LIPI: variants seen among roughly 807,000 people sequenced by gnomAD.
LIPI encodes lipase I, also known as lipase member I.
In LIPI, 59 loss-of-function variants were observed where a neutral mutation model predicts 50.6. That is an observed-to-expected ratio of 1.16 (90% confidence interval 0.94 to 1.45). The LOEUF is 1.45. Ranked by LOEUF, LIPI falls within the 40% of genes most tolerant of loss-of-function variation. The probability of loss-of-function intolerance (pLI) is 0.00; values close to 1 mark genes in which losing one functional copy is unlikely to be tolerated. For synonymous variants in LIPI, 203 were observed against 178.2 expected (o/e 1.14, Z -1.11); for missense variants, 586 against 536.3 (o/e 1.09, Z -0.92).
chr21:14,167,191 G>A (rs148172494), intron 4 of LIPI, among the ~76,000 whole-genome samples: 4 of 152,192 alleles, frequency 2.6e-5, no homozygotes, highest in Admixed American at 2.6e-4. Flanking sequence ...GGCTTGCTTA[G>A]GTAAACAAAG....
At chr21:14,178,097 A>G (rs997041220) in intron 4 of LIPI, among the ~76,000 whole-genome samples, 4 of 152,062 alleles carry the variant, frequency 2.6e-5, no homozygotes, top group Non-Finnish European at 5.9e-5. Flanking sequence ...TATTCACCTT[A>G]TTTAAATAAA....
intron 1 of LIPI, among the ~76,000 whole-genome samples, chr21:14,197,559 G>C (rs1018732999): frequency 1.3e-5 from 2 of 151,996 alleles, no homozygotes; most frequent in Non-Finnish European, 2.9e-5. Context: ...AGGCAGACAA[G>C]AGTAGAGAGA....
At position 14,161,802 on chromosome 21, in the gene LIPI, T is replaced by A. The variant is rs1460703919; in HGVS notation, c.1006+1617A>T. Among the ~76,000 whole-genome samples the A allele has an allele frequency of 5.8e-5, 2 of 34,596 alleles. 1 individual carries two copies. Among genetic ancestry groups the A allele is most frequent in the African/African-American group, 3.5e-4 (2 of 5,796 alleles). The allele number at this position is 34,596 out of a possible 152,430, so 22.7% of individuals were successfully genotyped here. A position where few individuals can be genotyped will look rare whatever the true frequency, so the allele number is the denominator to read the frequency against. On this transcript the variant is annotated intron_variant, in intron 7 of 9. Transcript: ENST00000681601. ...TATATAATATATACATTATTATATA[T>A]TAATGTATAATATATACAAATATAT...
intron 8 of LIPI, among the ~76,000 whole-genome samples, chr21:14,150,309 A>G (rs936063589): frequency 6.6e-6 from 1 of 152,104 alleles, no homozygotes; most frequent in Non-Finnish European, 1.5e-5. Context: ...CAGCCAAACT[A>G]TATCAGGTAC....
intron 9 of LIPI, among the ~76,000 whole-genome samples, chr21:14,141,870 G>A (rs1568846045): frequency 6.6e-6 from 1 of 152,140 alleles, no homozygotes; most frequent in Non-Finnish European, 1.5e-5. Context: ...TCTCGACTGA[G>A]GAGGAAATTC....
intron 6 of LIPI, among the ~76,000 whole-genome samples, chr21:14,164,266 G>A (rs2018595882): frequency 6.6e-6 from 1 of 152,000 alleles, no homozygotes; most frequent in African/African-American, 2.4e-5. Context: ...GCCTTTATGT[G>A]ATTTATATAT....
chr21:14,180,680 A>G lies in LIPI; in HGVS notation c.643+1078T>C, dbSNP rs76176238. Among the ~76,000 whole-genome samples, 500 of 152,344 alleles carry G rather than the reference A, an allele frequency of 3.3e-3. 3 individuals are homozygous for G. Among genetic ancestry groups the G allele is most frequent in the African/African-American group, 0.011 (473 of 41,584 alleles). The stretch of plus-strand genomic sequence containing the variant: ...AGACATGAGAGGTTTGGATAACACT[A>G]AACTATGACTTCTTTGGTTTTGACT... On this transcript the variant is annotated intron_variant, in intron 4 of 9. Transcript: ENST00000681601.
chr21:14,186,944 T>C lies in LIPI; in HGVS notation c.433-875A>G, dbSNP rs77873950. 3.7e-4 allele frequency among the ~76,000 whole-genome samples: 57 copies of C among 152,284 alleles called. No individual in the cohort carries two copies. The East Asian group carries it at 9.1e-3, about 24-fold the overall frequency. On this transcript the variant is annotated intron_variant, in intron 2 of 9. Transcript: ENST00000681601. ...TCTTGTTTATAAGCTACCTAGCCTA[T>C]GGTATTTTGTTACAGCAGCCCAAAT...
intron 9 of LIPI, among the ~76,000 whole-genome samples, chr21:14,115,804 A>C (rs2016607639): frequency 6.6e-6 from 1 of 152,176 alleles, no homozygotes; most frequent in African/African-American, 2.4e-5. Flanking sequence ...ATAAGGACAG[A>C]AGGGGAGCTT....
intron 1 of LIPI, among the ~76,000 whole-genome samples, chr21:14,198,759 G>A (rs1053186798): frequency 1.3e-4 from 19 of 151,678 alleles, no homozygotes; most frequent in Non-Finnish European, 2.4e-4. Context: ...CTCAGCACTG[G>A]GTCAAATGGA....
At chr21:14,115,445 T>G (rs1174337380) in intron 9 of LIPI, among the ~76,000 whole-genome samples, 2 of 152,156 alleles carry the variant, frequency 1.3e-5, no homozygotes, top group Non-Finnish European at 2.9e-5. Context: ...TTCTGGACAC[T>G]AGTCCAACTG....
chr21:14,190,567 T>G (rs1413562030), intron 1 of LIPI, among the ~76,000 whole-genome samples: 1 of 152,178 alleles, frequency 6.6e-6, no homozygotes, highest in Non-Finnish European at 1.5e-5. Flanking sequence ...CTTACAATAA[T>G]TCTAGTTTTC....
chr21:14,121,099 C>T (rs1365203030), intron 9 of LIPI, among the ~76,000 whole-genome samples: 1 of 152,112 alleles, frequency 6.6e-6, no homozygotes, highest in Non-Finnish European at 1.5e-5. Flanking sequence ...CCCACCAGGA[C>T]AGAAAAGGCA....
At chr21:14,202,907 T>C (rs1794977220) in intron 1 of LIPI, among the ~76,000 whole-genome samples, 2 of 151,992 alleles carry the variant, frequency 1.3e-5, no homozygotes, top group African/African-American at 4.8e-5. Flanking sequence ...ACCTACAGAA[T>C]GGGAGAAAAT....
At chr21:14,148,044 CATATTAAT>C (rs1171775627) in intron 8 of LIPI, among the ~76,000 whole-genome samples, 1 of 152,072 alleles carries the variant, frequency 6.6e-6, no homozygotes, top group Non-Finnish European at 1.5e-5. Flanking sequence ...CCTATATTGG[CATATTAAT>C]ATATCTGGTC....
intron 2 of LIPI, among the ~76,000 whole-genome samples, chr21:14,186,704 T>C (rs1180471823): frequency 1.3e-5 from 2 of 152,174 alleles, no homozygotes; most frequent in African/African-American, 2.4e-5. Context: ...TCTTGTGGGT[T>C]AGGAGAATTA....
At chr21:14,184,035 A>G (rs1413920104) in intron 3 of LIPI, among the ~76,000 whole-genome samples, 1 of 152,218 alleles carries the variant, frequency 6.6e-6, no homozygotes, top group Non-Finnish European at 1.5e-5. Context: ...ATGTATGTTT[A>G]TAGCGGCACT....
chr21:14,154,544 C>T (rs528847512), intron 7 of LIPI, among the ~76,000 whole-genome samples: 1 of 151,706 alleles, frequency 6.6e-6, no homozygotes, highest in Non-Finnish European at 1.5e-5. Flanking sequence ...TTTGATGATA[C>T]TATTTATAAT....
At chr21:14,126,904 T>C (rs553532783) in intron 9 of LIPI, among the ~76,000 whole-genome samples, 101 of 152,268 alleles carry the variant, frequency 6.6e-4, no homozygotes, top group African/African-American at 2.4e-3. Context: ...TTGATGAAAA[T>C]GTAAATTTTG....
Sources: allele counts gnomAD v4.1 joint callset (sites outside exome capture counted in the v4.1 genomes callset), GRCh38; gene constraint gnomAD v4.1.1; transcripts MANE v1.5; gene names NCBI Gene and HGNC (gene_info 2026-07-23, HGNC 2026-07-21).